The following SP140 variants were observed in gnomAD, a reference collection of about 807,000 sequenced individuals.
SP140 encodes nuclear body protein SP140.
Under a neutral mutation model 125.0 loss-of-function variants are expected in SP140, and 81 were observed. The observed-to-expected ratio is 0.65, with a 90% CI of 0.54 to 0.78. The LOEUF is 0.78. Ranked by LOEUF, SP140 falls within the 30% of genes least tolerant of loss-of-function variation. The pLI, the probability that SP140 is intolerant of heterozygous loss-of-function variation, is 0.00. For missense variants in SP140, 858 were observed against 1,037.0 expected, an observed-to-expected ratio of 0.83 and a Z score of 2.37; for synonymous variants, 312 against 354.0, an observed-to-expected ratio of 0.88 and a Z score of 1.33.
Position 230,269,833 on chromosome 2 carries a change from C to T in SP140, c.1328-4C>T. On this transcript the variant is annotated splice_region_variant and splice_polypyrimidine_tract_variant and intron_variant, in intron 13 of 26. Coordinates refer to ENST00000392045, the MANE Select transcript of SP140 (RefSeq NM_007237.5). ...AGTCTTCATGAATCACAATTTTGGC[C>T]CAGGAGCGGAGCAATCAGCATATGA... 2.5e-6 allele frequency: 4 copies of T among 1,610,634 alleles called. No homozygotes were observed. The highest frequency in any genetic ancestry group is 3.4e-6 in the Non-Finnish European group (4 of 1,177,126).
the SP140 span, among the ~76,000 whole-genome samples, chr2:230,190,772 T>C: frequency 6.6e-6 from 1 of 152,346 alleles, no homozygotes; most frequent in Non-Finnish European, 1.5e-5. Context: ...GTTTTCTGCA[T>C]ATGGATAGCC....
Position 230,245,950 on chromosome 2 carries a change from A to T in SP140, c.742+10A>T. ...CCTTATGATACAGAAGGTAATTAGG[A>T]TTTAAATTAAAGCTTTATTTTTCTG... On this transcript the variant is annotated intron_variant, in intron 7 of 26. Transcript: ENST00000392045. 6.6e-7 allele frequency: 1 copy of T among 1,524,706 alleles called. No individual in the cohort carries two copies. The highest frequency in any genetic ancestry group is 9.1e-7 in the Non-Finnish European group (1 of 1,098,750). 94.4% of individuals were successfully genotyped at this position (1,524,706 alleles called of 1,614,324 possible).
chr2:230,262,646 T>G (rs1349291033), intron 12 of SP140, among the ~76,000 whole-genome samples: 1 of 152,148 alleles, frequency 6.6e-6, no homozygotes, highest in East Asian at 1.9e-4. Context: ...TGATTGTCAT[T>G]CAGTTTGAAG....
downstream of SP140, among the ~76,000 whole-genome samples, chr2:230,314,037 T>G (rs892438461): frequency 2.2e-4 from 34 of 152,200 alleles, no homozygotes; most frequent in Non-Finnish European, 4.6e-4. Flanking sequence ...CAGCAAGGAA[T>G]GCCTATTACA....
In SP140 at chr2:230,238,562, G is replaced by A. The variant is rs1049232840; in HGVS notation, c.406+181G>A. ...CATGTCCTTATGGAGTTTACATACA[G>A]TGGGAGTGACAGACGTTAACCAAGT... On this transcript the variant is annotated intron_variant, in intron 3 of 26. Coordinates refer to ENST00000392045, the MANE Select transcript of SP140 (RefSeq NM_007237.5). 4 of 751,596 alleles carry A rather than the reference G, an allele frequency of 5.3e-6. No individual in the cohort carries two copies. The Admixed American group carries it at 8.4e-5, about 16-fold the overall frequency. The allele number at this position is 751,596 out of a possible 1,614,324, so 46.6% of individuals were successfully genotyped here. A position where few individuals can be genotyped will look rare whatever the true frequency, so the allele number is the denominator to read the frequency against.
chr2:230,224,721 G>A (rs904199451), upstream of SP140, among the ~76,000 whole-genome samples: 2 of 152,172 alleles, frequency 1.3e-5, no homozygotes, highest in Non-Finnish European at 2.9e-5. Flanking sequence ...ACCAGAAAAA[G>A]TAGGATTCAG....
chr2:230,296,690 A>C (rs2057767125), intron 21 of SP140, among the ~76,000 whole-genome samples: 1 of 152,154 alleles, frequency 6.6e-6, no homozygotes, highest in Non-Finnish European at 1.5e-5. Context: ...TAGGACTCTG[A>C]GTCCTGTGGT....
intron 15 of SP140, among the ~76,000 whole-genome samples, chr2:230,276,144 A>G (rs1455421626): frequency 3.3e-5 from 5 of 152,206 alleles, no homozygotes; most frequent in African/African-American, 1.2e-4. Context: ...GCTACACTAA[A>G]CAACAGTTTT....
At chr2:230,316,476 G>A (rs1055823470), downstream of SP140, among the ~76,000 whole-genome samples, 3 of 152,104 alleles carry the variant, frequency 2.0e-5, no homozygotes, top group African/African-American at 7.2e-5. Context: ...GAGGCAGTGG[G>A]TATACCATCT....
At chr2:230,239,797 G>A (rs935630665) in intron 3 of SP140, among the ~76,000 whole-genome samples, 20 of 152,168 alleles carry the variant, frequency 1.3e-4, no homozygotes, top group African/African-American at 4.3e-4. Context: ...GAGGGTGGGT[G>A]AATCCACAGA....
the SP140 span, among the ~76,000 whole-genome samples, chr2:230,186,427 C>G: frequency 6.6e-6 from 1 of 152,140 alleles, no homozygotes; most frequent in South Asian, 2.1e-4. Flanking sequence ...AGATACCTGG[C>G]CCACACCTTA....
intron 1 of SP140, among the ~76,000 whole-genome samples, 198 bp downstream of exon 1, chr2:230,226,101 A>T (rs2046302326): frequency 6.6e-6 from 1 of 152,160 alleles, no homozygotes; most frequent in Non-Finnish European, 1.5e-5. Flanking sequence ...GACTCACATC[A>T]TCTTCCTATT....
At chr2:230,299,938 C>T (rs1419922423) in intron 22 of SP140, among the ~76,000 whole-genome samples, 1 of 152,088 alleles carries the variant, frequency 6.6e-6, no homozygotes. Flanking sequence ...CCCTCATCCC[C>T]CACAGTGGCC....
chr2:230,259,123 T>C (rs2051751530), intron 12 of SP140, among the ~76,000 whole-genome samples: 1 of 152,184 alleles, frequency 6.6e-6, no homozygotes, highest in African/African-American at 2.4e-5. Flanking sequence ...CCGTAAGTTA[T>C]TGGGGTACAG....
intron 12 of SP140, among the ~76,000 whole-genome samples, chr2:230,256,638 T>A (rs1451315441): frequency 6.6e-6 from 1 of 152,158 alleles, no homozygotes; most frequent in Non-Finnish European, 1.5e-5. Flanking sequence ...AACCTGCACG[T>A]TGTGCACATG....
At chr2:230,274,134 G>A (rs927107862) in intron 15 of SP140, among the ~76,000 whole-genome samples, 1 of 151,640 alleles carries the variant, frequency 6.6e-6, no homozygotes, top group African/African-American at 2.4e-5. Flanking sequence ...AAATAGATGT[G>A]TGAATTCCTA....
upstream of SP140, among the ~76,000 whole-genome samples, chr2:230,225,111 G>A (rs1371407866): frequency 6.6e-6 from 1 of 152,154 alleles, no homozygotes; most frequent in Non-Finnish European, 1.5e-5. Flanking sequence ...TGAGAAGGCT[G>A]TCACTCTCCT....
intron 12 of SP140, among the ~76,000 whole-genome samples, chr2:230,259,895 A>G (rs1439239239): frequency 1.3e-5 from 2 of 151,760 alleles, no homozygotes; most frequent in African/African-American, 4.8e-5. Flanking sequence ...TTGTACTGCT[A>G]TAAACATGCA....
intron 12 of SP140, among the ~76,000 whole-genome samples, chr2:230,262,602 T>A (rs528828416): frequency 6.1e-4 from 93 of 152,296 alleles, no homozygotes; most frequent in African/African-American, 2.1e-3. Flanking sequence ...TGAACTTTCC[T>A]CTTAGCACCG....
Sources: gnomAD v4.1 joint callset for allele counts (sites outside exome capture counted in the v4.1 genomes callset) on GRCh38, gnomAD v4.1.1 for gene constraint, MANE v1.5 for transcripts, NCBI Gene and HGNC (gene_info 2026-07-23, HGNC 2026-07-21) for gene names.